Variants in MAP3K15 observed in about 807,000 individuals in gnomAD.
MAP3K15 encodes MAPK/ERK kinase kinase 15.
In MAP3K15, 124 loss-of-function variants were observed where a neutral mutation model predicts 99.5. The observed-to-expected ratio is 1.25, with a 90% CI of 1.08 to 1.45. The LOEUF (loss-of-function observed/expected upper bound fraction) is 1.45. MAP3K15 is among the 40% of genes most tolerant of loss of function. The pLI, the probability that MAP3K15 is intolerant of heterozygous loss-of-function variation, is 0.00. For missense variants in MAP3K15, 1,242 were observed against 1,079.7 expected (o/e 1.15, Z -2.11); for synonymous variants, 494 against 439.6 (o/e 1.12, Z -1.55).
At chrX:19,394,066 C>G (rs1016996125) in intron 16 of MAP3K15, among the ~76,000 whole-genome samples, 1 of 107,795 alleles carries the variant, frequency 9.3e-6, no homozygotes, top group East Asian at 3.0e-4. Context: ...GACCACTGTG[C>G]CTGGCTGACT....
In MAP3K15 at chrX:19,515,011, C is replaced by G. The variant is rs754707908; in HGVS notation, c.251G>C (p.Arg84Pro). 7.9e-5 allele frequency: 86 copies of G among 1,089,849 alleles called. No homozygotes were observed. Among genetic ancestry groups the G allele is most frequent in the Middle Eastern group, 3.3e-4 (1 of 3,017 alleles). 89.8% of individuals were successfully genotyped at this position (1,089,849 alleles called of 1,213,427 possible). The change falls in exon 1 of 29, where the codon CGG becomes CCG. Residue 84 changes from arginine (R) to proline (P), a missense_variant. Arg to Pro is a moderately radical substitution (Grantham distance 103). Transcript: ENST00000338883. ...GAAGGPEAGA[R>P]QCLLRACEAE... Reference sequence around the variant, plus strand: ...CTCGCAGGCCCGCAGCAGGCACTGCCGCGCCCCAGCCTCCGGGCCGCCGGC... The same window carrying G: ...CTCGCAGGCCCGCAGCAGGCACTGCGGCGCCCCAGCCTCCGGGCCGCCGGC...
At chrX:19,477,323 GAAC>G (rs751372427) in intron 3 of MAP3K15, among the ~76,000 whole-genome samples, 12 of 110,949 alleles carry the variant, frequency 1.1e-4, no homozygotes, top group Non-Finnish European at 1.7e-4. Context: ...CCACAGGCAG[GAAC>G]AACAACAACA....
intron 13 of MAP3K15, among the ~76,000 whole-genome samples, chrX:19,405,777 T>A (rs1240793296): frequency 8.9e-6 from 1 of 111,894 alleles, no homozygotes; most frequent in Non-Finnish European, 1.9e-5. Flanking sequence ...TCAGAAAAAA[T>A]AACCATATGC....
intron 4 of MAP3K15, among the ~76,000 whole-genome samples, chrX:19,463,202 A>G (rs888807240): frequency 1.8e-5 from 2 of 112,315 alleles, no homozygotes; most frequent in Admixed American, 9.5e-5. Context: ...ATGTGGTCAC[A>G]CATGTTTAGG....
chrX:19,399,255 C>A (rs2063590037), intron 14 of MAP3K15, among the ~76,000 whole-genome samples: 2 of 111,129 alleles, frequency 1.8e-5, no homozygotes, highest in Non-Finnish European at 3.8e-5. Context: ...AGCGAAACCC[C>A]ATCTCTACTA....
chrX:19,372,811 A>C lies in MAP3K15; in HGVS notation c.2950T>G (p.Ser984Ala). Residue 984 changes from serine to alanine, a missense_variant, in exon 22 of 29, where the codon TCA becomes GCA. Transcript: ENST00000338883. ...GHLLSVPDES[S>A]ALEDRGLASS... ...GCCAAGCCCCGGTCTTCCAAGGCTG[A>C]GCTCTCGTCTGGAACACTGTGGACA... 8.3e-7 allele frequency: 1 copy of C among 1,209,365 alleles called. No individual in the cohort carries two copies. Among genetic ancestry groups the C allele is most frequent in the Non-Finnish European group, 1.1e-6 (1 of 894,238 alleles).
chrX:19,428,988 G>A (rs1402730398), intron 7 of MAP3K15, among the ~76,000 whole-genome samples: 1 of 110,511 alleles, frequency 9.0e-6, no homozygotes, highest in Non-Finnish European at 1.9e-5. Flanking sequence ...AAAAAAAAGG[G>A]CAAGAGAAAT....
intron 18 of MAP3K15, among the ~76,000 whole-genome samples, chrX:19,389,549 CG>C (rs1197823872): frequency 9.0e-6 from 1 of 111,687 alleles, no homozygotes; most frequent in Non-Finnish European, 1.9e-5. Context: ...CAATTATATG[CG>C]GGGGAATTTC....
At chrX:19,382,160 G>A (rs1232484289) in intron 18 of MAP3K15, among the ~76,000 whole-genome samples, 1 of 107,608 alleles carries the variant, frequency 9.3e-6, no homozygotes, top group African/African-American at 3.4e-5. Flanking sequence ...GGCTGAGGCA[G>A]GAGAATCCCT....
intron 12 of MAP3K15, 133 bp downstream of exon 12, chrX:19,409,791 A>G: frequency 2.0e-6 from 1 of 509,387 alleles, no homozygotes. Context: ...GGACAACATA[A>G]TAGAGAGTCC....
chrX:19,364,056 A>T (rs2063317363), intron 25 of MAP3K15, among the ~76,000 whole-genome samples: 1 of 111,783 alleles, frequency 8.9e-6, no homozygotes, highest in Admixed American at 9.5e-5. Flanking sequence ...AGCACTTCCT[A>T]CCCAGAATCC....
Position 19,413,456 on chromosome X carries a change from G to A in MAP3K15, c.1599C>T (p.Val533=), listed in dbSNP as rs762160912. 4 of 1,196,018 alleles carry A rather than the reference G, an allele frequency of 3.3e-6. No individual in the cohort carries two copies. The South Asian group carries it at 7.2e-5, about 22-fold the overall frequency. The change falls in exon 11 of 29, where the codon GTC becomes GTT. Residue 533 remains valine, a synonymous_variant. Transcript: ENST00000338883. ...GCTGGTACACTTTGGTTGGCTCTAT[G>A]ACCAGAACCTGAAACAAGAACAGAT... ...VTNGLRFPVL[V]IEPTKVYQPS...
In MAP3K15 at chrX:19,392,484, T is replaced by A. The variant is rs1286021442; in HGVS notation, c.2195-11A>T. ...GAGCAGAAAGGCTTCCTAGAGACAG[T>A]CACAGCAAAAAACTTATCAGGAAGA... On this transcript the variant is annotated splice_polypyrimidine_tract_variant and intron_variant, in intron 16 of 28. Transcript: ENST00000338883. 1.7e-6 allele frequency: 2 copies of A among 1,197,002 alleles called. No homozygotes were observed. The highest frequency in any genetic ancestry group is 2.4e-5 in the Admixed American group (1 of 42,277).
chrX:19,480,274 G>A (rs2064279297), intron 3 of MAP3K15, among the ~76,000 whole-genome samples: 1 of 110,717 alleles, frequency 9.0e-6, no homozygotes, highest in Admixed American at 9.6e-5. Context: ...CTCCAGAAAT[G>A]GAAAAGCTGA....
intron 3 of MAP3K15, among the ~76,000 whole-genome samples, chrX:19,470,064 G>C (rs1457626481): frequency 9.0e-6 from 1 of 111,682 alleles, no homozygotes; most frequent in Non-Finnish European, 1.9e-5. Context: ...TATACCTAAA[G>C]GATTATAAAC....
chrX:19,447,819 G>A (rs1326703479), intron 6 of MAP3K15, among the ~76,000 whole-genome samples: 1 of 83,711 alleles, frequency 1.2e-5, no homozygotes, highest in Non-Finnish European at 2.4e-5. Context: ...GGGAGGCGGA[G>A]CTTGCAGTGA....
At chrX:19,513,557 TC>T (rs1200846500) in intron 1 of MAP3K15, among the ~76,000 whole-genome samples, 2 of 110,882 alleles carry the variant, frequency 1.8e-5, no homozygotes, top group Non-Finnish European at 3.8e-5. Context: ...CAAGCCTGAC[TC>T]CCCCCCTACC....
At position 19,407,204 on chromosome X, in the gene MAP3K15, C is replaced by T. The variant is rs755117721; in HGVS notation, c.1828G>A (p.Glu610Lys). Residue 610 changes from glutamate to lysine, a missense_variant, in exon 13 of 29, where the codon GAA (glutamate) becomes AAA (lysine). Transcript: ENST00000338883. ...SDDFQIYFST[E>K]EQCSRFFSLV... ...GTAACTCACCTACTGCACTGCTCTT[C>T]GGTGGAAAAGTAGATTTGAAAGTCA... The T allele has an allele frequency of 5.8e-5, 69 of 1,186,010 alleles. No homozygotes were observed. The highest frequency in any genetic ancestry group is 4.7e-4 in the Middle Eastern group (2 of 4,284).
chrX:19,404,584 T>A (rs1171388426), intron 13 of MAP3K15, among the ~76,000 whole-genome samples: 1 of 112,069 alleles, frequency 8.9e-6, no homozygotes, highest in Non-Finnish European at 1.9e-5. Flanking sequence ...GGGCTCACAT[T>A]TCCTGATTTT....
Sources: gnomAD v4.1 joint callset for allele counts (sites outside exome capture counted in the v4.1 genomes callset) on GRCh38, gnomAD v4.1.1 for gene constraint, MANE v1.5 for transcripts, NCBI Gene and HGNC (gene_info 2026-07-23, HGNC 2026-07-21) for gene names.